GALNT13: variants seen among roughly 807,000 people sequenced by gnomAD.
GALNT13 encodes the protein UDP-GalNAc:polypeptide N-acetylgalactosaminyltransferase 13.
Under a neutral mutation model 64.2 loss-of-function variants are expected in GALNT13, and 28 were observed. The observed-to-expected ratio is 0.44, with a 90% CI of 0.32 to 0.60. The LOEUF (loss-of-function observed/expected upper bound fraction) is 0.60. Ranked by LOEUF, GALNT13 falls within the 20% of genes least tolerant of loss-of-function variation. The pLI, the probability that GALNT13 is intolerant of heterozygous loss-of-function variation, is 0.05. For missense variants in GALNT13, 577 were observed against 669.8 expected (o/e 0.86, Z 1.53); for synonymous variants, 214 against 224.6 (o/e 0.95, Z 0.42).
chr2:153,515,178 C>A, the GALNT13 span, among the ~76,000 whole-genome samples: 1 of 152,136 alleles, frequency 6.6e-6, no homozygotes, highest in African/African-American at 2.4e-5. Context: ...GGTTTAAACC[C>A]TTCAGTGACT....
At chr2:154,133,231 A>G (rs1390283171) in intron 3 of GALNT13, among the ~76,000 whole-genome samples, 1 of 151,816 alleles carries the variant, frequency 6.6e-6, no homozygotes, top group Non-Finnish European at 1.5e-5. Flanking sequence ...TATTGTTGAG[A>G]CTCCTTTGTA....
chr2:153,200,705 C>G, the GALNT13 span, among the ~76,000 whole-genome samples: 1 of 152,128 alleles, frequency 6.6e-6, no homozygotes, highest in Admixed American at 6.5e-5. Flanking sequence ...TAGAGAAATG[C>G]AGAAAACACA....
the GALNT13 span, among the ~76,000 whole-genome samples, chr2:153,487,017 A>G: frequency 6.6e-6 from 1 of 152,240 alleles, no homozygotes; most frequent in Admixed American, 6.5e-5. Context: ...TCGATTAATC[A>G]GAGGTGGGAT....
chr2:154,399,749 T>A (rs1158940466), intron 10 of GALNT13, among the ~76,000 whole-genome samples: 1 of 152,188 alleles, frequency 6.6e-6, no homozygotes, highest in Non-Finnish European at 1.5e-5. Flanking sequence ...TTTTGTTATA[T>A]GTTGAAAATA....
the GALNT13 span, among the ~76,000 whole-genome samples, chr2:153,298,214 C>T: frequency 1.5e-4 from 23 of 152,198 alleles, no homozygotes; most frequent in East Asian, 2.7e-3. Context: ...CTTAGGTGGC[C>T]TGTGACTTTA....
the GALNT13 span, among the ~76,000 whole-genome samples, chr2:153,241,826 G>A: frequency 2.6e-5 from 4 of 151,952 alleles, no homozygotes; most frequent in Admixed American, 6.6e-5. Context: ...TTGTCTTTCT[G>A]TAATGGGGAG....
the GALNT13 span, among the ~76,000 whole-genome samples, chr2:153,238,678 T>A: frequency 6.7e-6 from 1 of 149,512 alleles, no homozygotes; most frequent in Non-Finnish European, 1.5e-5. Flanking sequence ...TCTATTCTGC[T>A]CCATTAGTCT....
chr2:153,209,992 A>C, the GALNT13 span, among the ~76,000 whole-genome samples: 1 of 152,120 alleles, frequency 6.6e-6, no homozygotes, highest in Admixed American at 6.5e-5. Context: ...TTATATTTGA[A>C]TACAATTGAT....
the GALNT13 span, among the ~76,000 whole-genome samples, chr2:153,716,631 A>G: frequency 4.3e-4 from 66 of 152,298 alleles, no homozygotes; most frequent in African/African-American, 1.4e-3. Context: ...GTCATATTGT[A>G]ATATAGTCTT....
chr2:154,022,381 T>A (rs552832186), intron 3 of GALNT13, among the ~76,000 whole-genome samples: 1 of 152,174 alleles, frequency 6.6e-6, no homozygotes, highest in Non-Finnish European at 1.5e-5. Context: ...CAATTTCAGA[T>A]CCTGTTATTG....
At chr2:154,354,645 A>T (rs1471179641) in intron 9 of GALNT13, among the ~76,000 whole-genome samples, 1 of 150,384 alleles carries the variant, frequency 6.6e-6, no homozygotes, top group Non-Finnish European at 1.5e-5. Context: ...GTGGAAACTC[A>T]CTTCTGCAAG....
chr2:154,307,595 T>G (rs896236823), intron 9 of GALNT13, among the ~76,000 whole-genome samples: 1 of 147,702 alleles, frequency 6.8e-6, no homozygotes, highest in Non-Finnish European at 1.5e-5. Context: ...TTTGAAATAG[T>G]GTTCAAGAAT....
At chr2:154,185,444 C>T (rs1686196610) in intron 4 of GALNT13, among the ~76,000 whole-genome samples, 1 of 151,800 alleles carries the variant, frequency 6.6e-6, no homozygotes, top group Non-Finnish European at 1.5e-5. Flanking sequence ...CTTTCTACAC[C>T]TTTCTCTTTC....
At chr2:154,149,078 T>G (rs1179372175) in intron 4 of GALNT13, among the ~76,000 whole-genome samples, 1 of 152,228 alleles carries the variant, frequency 6.6e-6, no homozygotes, top group East Asian at 1.9e-4. Flanking sequence ...GTTTAAGTCT[T>G]TAATCCATCT....
the GALNT13 span, among the ~76,000 whole-genome samples, chr2:153,637,010 AT>A: frequency 6.6e-6 from 1 of 152,126 alleles, no homozygotes; most frequent in South Asian, 2.1e-4. Flanking sequence ...GGTATATTTT[AT>A]TGACAGGGAC....
rs114526357 is a variant in GALNT13 at position 154,195,474 on chromosome 2, C to T, written c.312-46556C>T. Among the ~76,000 whole-genome samples the T allele has an allele frequency of 1.4e-3, 210 of 152,140 alleles. 1 individual carries two copies. The highest frequency in any genetic ancestry group is 4.9e-3 in the African/African-American group (205 of 41,492). ...GGTGAAACAGAGAATTCCTAAGAAA[C>T]CATAAATCTCACAAGTTTCAAAGGC... On this transcript the variant is annotated intron_variant, in intron 4 of 12. Transcript: ENST00000392825.
intron 9 of GALNT13, among the ~76,000 whole-genome samples, chr2:154,383,123 G>A (rs799790): frequency 0.4 from 60,237 of 151,584 alleles, 12,183 homozygotes; most frequent in South Asian, 0.47. Flanking sequence ...TTCCCACTTC[G>A]TTCATCTGGT....
chr2:153,993,461 C>T lies in GALNT13; in HGVS notation c.142+48822C>T, dbSNP rs186075043. On this transcript the variant is annotated intron_variant, in intron 3 of 12. Transcript: ENST00000392825. ...CTGTAATCCCAGCACTTTGGGAAGCCGAGGCGGGCAGATCACGAGGTCAGG... is the reference window on the plus strand; with the variant it reads ...CTGTAATCCCAGCACTTTGGGAAGCTGAGGCGGGCAGATCACGAGGTCAGG... 3.0e-4 allele frequency among the ~76,000 whole-genome samples: 45 copies of T among 151,834 alleles called. No homozygotes were observed. The East Asian group carries it at 7.4e-3, about 25-fold the overall frequency.
At position 154,453,878 on chromosome 2, in the gene GALNT13, T is replaced by G. The variant is rs1701966294; in HGVS notation, c.*3327T>G. 1 of 152,302 alleles carries G rather than the reference T, an allele frequency of 6.6e-6. No homozygotes were observed. Among genetic ancestry groups the G allele is most frequent in the South Asian group, 2.1e-4 (1 of 4,830 alleles). 9.4% of individuals were successfully genotyped at this position (152,302 alleles called of 1,614,324 possible). A position where few individuals can be genotyped will look rare whatever the true frequency, so the allele number is the denominator to read the frequency against. On this transcript the variant is annotated 3_prime_UTR_variant, in exon 13 of 13. Transcript: ENST00000392825. The stretch of plus-strand genomic sequence containing the variant: ...TGTCTTCAAATTTTAATTTTCTTCC[T>G]AATATTCTTCACATTAAACTATGGA...
Sources: gnomAD v4.1 joint callset for allele counts (sites outside exome capture counted in the v4.1 genomes callset) on GRCh38, gnomAD v4.1.1 for gene constraint, MANE v1.5 for transcripts, NCBI Gene and HGNC (gene_info 2026-07-23, HGNC 2026-07-21) for gene names.